PAG1: variants seen among roughly 807,000 people sequenced by gnomAD.
PAG1 encodes phosphoprotein associated with glycosphingolipid-enriched microdomains 1.
Under a neutral mutation model 31.7 loss-of-function variants are expected in PAG1, and 23 were observed. The ratio of observed to expected loss-of-function variants is 0.73; its 90% CI spans 0.52 to 1.03. PAG1 has a LOEUF of 1.03. Among genes scored for constraint, PAG1 ranks in the 50% least tolerant of loss-of-function variants. The probability of loss-of-function intolerance (pLI) is 0.00; values close to 1 mark genes in which losing one functional copy is unlikely to be tolerated. For missense variants in PAG1, 473 were observed against 540.7 expected (o/e 0.87, Z 1.24); for synonymous variants, 214 against 210.3 (o/e 1.02, Z -0.15).
intron 1 of PAG1, among the ~76,000 whole-genome samples, chr8:81,104,370 C>T (rs1196426770): frequency 7.4e-6 from 1 of 135,586 alleles, no homozygotes; most frequent in Non-Finnish European, 1.5e-5. Flanking sequence ...TTCTGACAGC[C>T]ACCTTGGCCT....
chr8:81,001,950 T>C (rs571209165), intron 3 of PAG1, among the ~76,000 whole-genome samples: 13 of 152,306 alleles, frequency 8.5e-5, no homozygotes, highest in African/African-American at 3.1e-4. Context: ...CTTCACTCTA[T>C]CAGGACTTGT....
chr8:80,987,074 AT>A (rs1807439429), intron 6 of PAG1, among the ~76,000 whole-genome samples: 1 of 152,232 alleles, frequency 6.6e-6, no homozygotes, highest in Admixed American at 6.5e-5. Flanking sequence ...GAGTAGTGTT[AT>A]TATTAATAAC....
At chr8:81,069,963 T>A (rs1809068010) in intron 2 of PAG1, 149 bp downstream of exon 2, 1 of 152,254 alleles carries the variant, frequency 6.6e-6, no homozygotes, top group African/African-American at 2.4e-5. Flanking sequence ...ATTCCCTGGA[T>A]GTTTTTCAGC....
chr8:81,005,707 C>A (rs1240362660), intron 3 of PAG1, among the ~76,000 whole-genome samples: 1 of 152,218 alleles, frequency 6.6e-6, no homozygotes, highest in Non-Finnish European at 1.5e-5. Flanking sequence ...CAGCCTCCAT[C>A]TGTATCAGAG....
At chr8:81,105,685 T>C (rs955020082) in intron 1 of PAG1, among the ~76,000 whole-genome samples, 1 of 152,180 alleles carries the variant, frequency 6.6e-6, no homozygotes, top group African/African-American at 2.4e-5. Context: ...ACAATGGGCA[T>C]GATGAAGGAA....
At chr8:80,984,624 A>G (rs1807375030) in intron 7 of PAG1, 152 bp downstream of exon 7, 3 of 664,526 alleles carry the variant, frequency 4.5e-6, no homozygotes, top group African/African-American at 3.6e-5. Flanking sequence ...TTGGAGGGGG[A>G]AAAAGCCAAA....
At chr8:81,007,318 G>T (rs1807899334) in intron 3 of PAG1, among the ~76,000 whole-genome samples, 1 of 151,926 alleles carries the variant, frequency 6.6e-6, no homozygotes, top group Non-Finnish European at 1.5e-5. Context: ...GTTCTATTAA[G>T]AACTTAAAAA....
At chr8:81,014,724 C>G (rs1808043476) in intron 3 of PAG1, among the ~76,000 whole-genome samples, 1 of 152,110 alleles carries the variant, frequency 6.6e-6, no homozygotes, top group Admixed American at 6.6e-5. Flanking sequence ...CCCTGTCACT[C>G]AGAGAGGAAG....
At chr8:80,981,729 A>G (rs967002730) in intron 7 of PAG1, among the ~76,000 whole-genome samples, 1 of 152,138 alleles carries the variant, frequency 6.6e-6, no homozygotes, top group African/African-American at 2.4e-5. Context: ...CCTATGTGTG[A>G]ATACTGAGCC....
At chr8:81,036,744 T>C (rs1808467713) in intron 2 of PAG1, among the ~76,000 whole-genome samples, 1 of 152,238 alleles carries the variant, frequency 6.6e-6, no homozygotes, top group African/African-American at 2.4e-5. Context: ...GGCTGCTTTT[T>C]CTTGCTGCTT....
chr8:81,053,265 T>C (rs1395692444), intron 2 of PAG1, among the ~76,000 whole-genome samples: 1 of 152,230 alleles, frequency 6.6e-6, no homozygotes, highest in Non-Finnish European at 1.5e-5. Context: ...TTTTAAAACA[T>C]TAATGACGAA....
chr8:81,058,005 G>A (rs1808855953), intron 2 of PAG1, among the ~76,000 whole-genome samples: 1 of 152,104 alleles, frequency 6.6e-6, no homozygotes, highest in Non-Finnish European at 1.5e-5. Flanking sequence ...AGTAAATACT[G>A]CCTTAAGGGA....
intron 2 of PAG1, among the ~76,000 whole-genome samples, chr8:81,055,688 G>A (rs1228605444): frequency 1.3e-5 from 2 of 152,132 alleles, no homozygotes; most frequent in Admixed American, 6.5e-5. Flanking sequence ...TTGTAAGTTG[G>A]ATTCCTAGGT....
Position 81,064,714 on chromosome 8 carries a change from G to A in PAG1, c.-175+5398C>T, listed in dbSNP as rs557659804. 5.3e-4 allele frequency among the ~76,000 whole-genome samples: 81 copies of A among 152,066 alleles called. 4 individuals are homozygous for A. In the South Asian group the frequency reaches 0.016, roughly 30 times the overall value. ...CTACTGAAGCAGAGACGGCAGCCTCGGTCCTTCAAAAGTAGTTCTTACGAT... is the reference window on the plus strand; with the variant it reads ...CTACTGAAGCAGAGACGGCAGCCTCAGTCCTTCAAAAGTAGTTCTTACGAT... On this transcript the variant is annotated intron_variant, in intron 2 of 8. Coordinates refer to ENST00000220597, the MANE Select transcript of PAG1 (RefSeq NM_018440.4).
chr8:81,078,427 G>A (rs4398859), intron 1 of PAG1, among the ~76,000 whole-genome samples: 71,754 of 151,534 alleles, frequency 0.47, 17,819 homozygotes, highest in East Asian at 0.67. Flanking sequence ...CTTAGAAAAT[G>A]AGAAGATTTG....
intron 3 of PAG1, among the ~76,000 whole-genome samples, chr8:81,002,993 T>A (rs543901726): frequency 6.6e-5 from 10 of 152,286 alleles, no homozygotes; most frequent in African/African-American, 2.4e-4. Context: ...AGGCCCCTTG[T>A]AGAGGAAGGG....
intron 1 of PAG1, among the ~76,000 whole-genome samples, chr8:81,106,595 C>T (rs1809696815): frequency 6.6e-6 from 1 of 152,120 alleles, no homozygotes; most frequent in African/African-American, 2.4e-5. Context: ...GAGAGATCAA[C>T]AGGATATGCC....
At chr8:81,070,404 C>A (rs1307807220) in intron 1 of PAG1, among the ~76,000 whole-genome samples, 1 of 152,150 alleles carries the variant, frequency 6.6e-6, no homozygotes, top group Non-Finnish European at 1.5e-5. Flanking sequence ...AACATTATCC[C>A]TAATTTTATA....
intron 1 of PAG1, among the ~76,000 whole-genome samples, chr8:81,101,822 T>G (rs1809614771): frequency 6.6e-6 from 1 of 152,054 alleles, no homozygotes; most frequent in Admixed American, 6.5e-5. Flanking sequence ...ATGTCAAGTA[T>G]ACACTAACAT....
Sources: gnomAD v4.1 joint callset for allele counts (sites outside exome capture counted in the v4.1 genomes callset) on GRCh38, gnomAD v4.1.1 for gene constraint, MANE v1.5 for transcripts, NCBI Gene and HGNC (gene_info 2026-07-23, HGNC 2026-07-21) for gene names.